FGFR2: variants seen among roughly 807,000 people sequenced by gnomAD.
The protein encoded by FGFR2 is fibroblast growth factor receptor 2.
FGFR2 carries 19 observed loss-of-function variants against 95.9 expected under a neutral mutation model. That is an observed-to-expected ratio of 0.20 (90% CI 0.14 to 0.29). FGFR2 has a LOEUF of 0.29. Among genes scored for constraint, FGFR2 ranks in the 10% least tolerant of loss-of-function variants. The pLI is 1.00. For synonymous variants in FGFR2, 392 were observed against 393.3 expected (o/e 1.00, Z 0.04); for missense variants, 707 against 1,056.9 (o/e 0.67, Z 4.59).
chr10:121,560,090 C>G (rs1856731252), intron 4 of FGFR2, among the ~76,000 whole-genome samples: 1 of 152,140 alleles, frequency 6.6e-6, no homozygotes, highest in African/African-American at 2.4e-5. Context: ...ATTCTCACTC[C>G]ACCCCCATCG....
chr10:121,537,034 C>T (rs918762922), intron 6 of FGFR2, among the ~76,000 whole-genome samples: 1 of 152,222 alleles, frequency 6.6e-6, no homozygotes, highest in African/African-American at 2.4e-5. Flanking sequence ...AATGCCAACA[C>T]AAATGTTAAT....
At chr10:121,544,663 T>C (rs942798485) in intron 5 of FGFR2, among the ~76,000 whole-genome samples, 15 of 151,768 alleles carry the variant, frequency 9.9e-5, no homozygotes, top group Non-Finnish European at 1.8e-4. Context: ...CCAGGTGCAG[T>C]GGGGGAGGGG....
intron 11 of FGFR2, among the ~76,000 whole-genome samples, chr10:121,499,718 A>G (rs1266045047): frequency 6.6e-6 from 1 of 152,272 alleles, no homozygotes; most frequent in Non-Finnish European, 1.5e-5. Flanking sequence ...TGGCCCTGGT[A>G]CGCAGCCAGG....
Position 121,554,333 on chromosome 10 carries a change from CT to C in FGFR2, c.455-2875del, listed in dbSNP as rs59481441. ...AACTTGATACGGGAGGGGAGGAAGT[CT>C]TTTTTTTTTTTTTCCTTTTTTTGAG... On this transcript the variant is annotated intron_variant, in intron 4 of 17. Transcript: ENST00000358487. 3.6e-3 allele frequency among the ~76,000 whole-genome samples: 509 copies of C among 139,610 alleles called. 1 individual carries two copies. Among genetic ancestry groups the C allele is most frequent in the Middle Eastern group, 0.011 (3 of 270 alleles). The allele number at this position is 139,610 out of a possible 152,430, so 91.6% of individuals were successfully genotyped here. A position where few individuals can be genotyped will look rare whatever the true frequency, so the allele number is the denominator to read the frequency against.
chr10:121,563,287 T>C (rs189187063), intron 4 of FGFR2, among the ~76,000 whole-genome samples: 16 of 152,196 alleles, frequency 1.1e-4, no homozygotes, highest in Middle Eastern at 3.4e-3. Flanking sequence ...GGCAGGAGAA[T>C]TGCTTGAACC....
chr10:121,586,626 A>G (rs1861870955), intron 2 of FGFR2, among the ~76,000 whole-genome samples: 1 of 152,220 alleles, frequency 6.6e-6, no homozygotes, highest in Admixed American at 6.5e-5. Context: ...CCGGTTTCCC[A>G]AAACCAAAAT....
chr10:121,498,311 G>C (rs1466806811), intron 12 of FGFR2, among the ~76,000 whole-genome samples, 184 bp downstream of exon 12: 1 of 152,160 alleles, frequency 6.6e-6, no homozygotes, highest in Non-Finnish European at 1.5e-5. Context: ...CTGGCCCCCA[G>C]GTACGGGCAC....
chr10:121,577,552 T>A (rs4752570), intron 2 of FGFR2, among the ~76,000 whole-genome samples: 16,188 of 151,964 alleles, frequency 0.11, 1,096 homozygotes, highest in African/African-American at 0.2. Context: ...TGCTGGTGCG[T>A]ACATGTGCGT....
At chr10:121,484,541 T>C (rs1388855684) in intron 16 of FGFR2, among the ~76,000 whole-genome samples, 10 of 152,256 alleles carry the variant, frequency 6.6e-5, no homozygotes, top group Admixed American at 6.5e-4. Flanking sequence ...ACGGGATTAC[T>C]GATATAAAAT....
intron 15 of FGFR2, among the ~76,000 whole-genome samples, chr10:121,486,405 C>T (rs1263793887): frequency 6.6e-6 from 1 of 152,064 alleles, no homozygotes; most frequent in Non-Finnish European, 1.5e-5. Context: ...TAATGCCTAC[C>T]CAGAACTCCT....
At chr10:121,541,198 T>C (rs1853690643) in intron 5 of FGFR2, among the ~76,000 whole-genome samples, 1 of 152,242 alleles carries the variant, frequency 6.6e-6, no homozygotes, top group South Asian at 2.1e-4. Context: ...GAAATCTTGG[T>C]ACTAGATCAA....
At position 121,580,933 on chromosome 10, in the gene FGFR2, G is replaced by A. The variant is rs550674909; in HGVS notation, c.109+12776C>T. 6.6e-5 allele frequency among the ~76,000 whole-genome samples: 10 copies of A among 152,282 alleles called. No individual in the cohort carries two copies. In the South Asian group the frequency reaches 2.1e-3, roughly 32 times the overall value. ...GGGCTGTGCGCCGGCTCCCACGAATGTAGGCTTTCTGGGACAGGGCATCCC... is the reference window on the plus strand; with the variant it reads ...GGGCTGTGCGCCGGCTCCCACGAATATAGGCTTTCTGGGACAGGGCATCCC... On this transcript the variant is annotated intron_variant, in intron 2 of 17. Coordinates refer to ENST00000358487, the MANE Select transcript of FGFR2 (RefSeq NM_000141.5).
chr10:121,596,174 T>C (rs7899765), intron 1 of FGFR2, among the ~76,000 whole-genome samples: 19,870 of 152,222 alleles, frequency 0.13, 2,016 homozygotes, highest in African/African-American at 0.29. Context: ...GGGAACTCTC[T>C]TCTCAGCCTG....
intron 6 of FGFR2, chr10:121,526,889 T>TG (rs1851444719): frequency 2.5e-6 from 1 of 396,978 alleles, no homozygotes; most frequent in East Asian, 3.6e-5. Flanking sequence ...TCGGAAGTCT[T>TG]GCAGAATCGG....
chr10:121,571,293 CCTTTTTTTTTT>C (rs1858663731), intron 2 of FGFR2, among the ~76,000 whole-genome samples: 1 of 87,110 alleles, frequency 1.1e-5, no homozygotes, highest in South Asian at 4.1e-4. Context: ...CCGTGCCTGG[CCTTTTTTTTTT>C]TTTTTTTTTT....
chr10:121,533,757 G>C lies in FGFR2; in HGVS notation c.748+4835C>G, dbSNP rs577757985. Among the ~76,000 whole-genome samples, 8 of 152,298 alleles carry C rather than the reference G, an allele frequency of 5.3e-5. No individual in the cohort carries two copies. The East Asian group carries it at 1.5e-3, about 29-fold the overall frequency. ...CAGTGAACATCAAATGAAGAAGTCC[G>C]CTTGGAGAGCAAGGAGCATTCATAC... On this transcript the variant is annotated intron_variant, in intron 6 of 17. Transcript: ENST00000358487.
At chr10:121,540,193 C>T (rs1051507470) in intron 5 of FGFR2, among the ~76,000 whole-genome samples, 5 of 152,180 alleles carry the variant, frequency 3.3e-5, no homozygotes, top group African/African-American at 9.7e-5. Flanking sequence ...TCGACAACTA[C>T]GAAGGTAGTT....
rs1845316148 is a variant in FGFR2, at chr10:121,485,667, T to G, written c.2058-135A>C. On this transcript the variant is annotated intron_variant, in intron 15 of 17. Transcript: ENST00000358487. The surrounding 1 kb of genome is among the most constrained non-coding windows in gnomAD (Gnocchi z 4.2). ...ATGGGCCCTCCTGCAGTTCCTCCTA[T>G]GTGCTCTTTCCTGCCCTGCAAGAGC... 8.9e-7 allele frequency: 1 copy of G among 1,127,710 alleles called. No individual in the cohort carries two copies. Among genetic ancestry groups the G allele is most frequent in the South Asian group, 1.3e-5 (1 of 75,202 alleles). 69.9% of individuals were successfully genotyped at this position (1,127,710 alleles called of 1,614,324 possible). A position where few individuals can be genotyped will look rare whatever the true frequency, so the allele number is the denominator to read the frequency against.
intron 2 of FGFR2, among the ~76,000 whole-genome samples, chr10:121,569,831 G>A (rs1242823535): frequency 1.3e-5 from 2 of 152,200 alleles, no homozygotes; most frequent in African/African-American, 4.8e-5. Context: ...ATTTCACAAA[G>A]GGCCCATTTT....
Sources: allele counts gnomAD v4.1 joint callset (sites outside exome capture counted in the v4.1 genomes callset), GRCh38; gene constraint gnomAD v4.1.1; non-coding constraint Gnocchi (gnomAD v3.1); transcripts MANE v1.5; gene names NCBI Gene and HGNC (gene_info 2026-07-23, HGNC 2026-07-21).